The following PIK3CB variants were observed in gnomAD, a reference collection of about 807,000 sequenced individuals.
The protein encoded by PIK3CB is phosphatidylinositol-4,5-bisphosphate 3-kinase catalytic subunit beta, also known as phosphatidylinositol 4,5-bisphosphate 3-kinase catalytic subunit beta isoform.
PIK3CB carries 39 observed loss-of-function variants against 136.8 expected under a neutral mutation model. That is an observed-to-expected ratio of 0.29 (90% CI 0.22 to 0.37). The LOEUF (loss-of-function observed/expected upper bound fraction) is 0.37, where lower values mean the gene tolerates loss of function less well. Among genes scored for constraint, PIK3CB ranks in the 10% least tolerant of loss-of-function variants. The pLI, the probability that PIK3CB is intolerant of heterozygous loss-of-function variation, is 1.00. For synonymous variants in PIK3CB, 428 were observed against 436.6 expected, an observed-to-expected ratio of 0.98 and a Z score of 0.25; for missense variants, 868 against 1,275.4, an observed-to-expected ratio of 0.68 and a Z score of 4.87.
intron 2 of PIK3CB, among the ~76,000 whole-genome samples, chr3:138,775,078 C>G (rs17204215): frequency 0.027 from 4,148 of 152,272 alleles, 72 homozygotes; most frequent in Non-Finnish European, 0.04. Flanking sequence ...TTTCATTTCT[C>G]CCTCACTATG....
rs1425942000 is a variant in PIK3CB at position 138,654,549 on chromosome 3, C to A, written c.*840G>T. ...AGTATTATTCTCTATGAAGTGAACT[C>A]TTTCATAGATACCATATAAAAACTG... On this transcript the variant is annotated 3_prime_UTR_variant, in exon 24 of 24. Transcript: ENST00000674063. 1 of 227,894 alleles carries A rather than the reference C, an allele frequency of 4.4e-6. No individual in the cohort carries two copies. The highest frequency in any genetic ancestry group is 8.7e-6 in the Non-Finnish European group (1 of 114,844). The allele number at this position is 227,894 out of a possible 1,614,324, so 14.1% of individuals were successfully genotyped here.
rs549050041 is a variant in PIK3CB at position 138,725,260 on chromosome 3, G to T, written c.1050+8101C>A. On this transcript the variant is annotated intron_variant, in intron 8 of 23. Coordinates refer to ENST00000674063, the MANE Select transcript of PIK3CB (RefSeq NM_006219.3). Reference sequence around the variant, plus strand: ...TACTTTAATAGATAAGGAGTCCTGAGACCTATATAACTAGGCTATGGGGAA... The same window carrying T: ...TACTTTAATAGATAAGGAGTCCTGATACCTATATAACTAGGCTATGGGGAA... Among the ~76,000 whole-genome samples the T allele has an allele frequency of 7.2e-5, 11 of 152,302 alleles. No homozygotes were observed. In the South Asian group the frequency reaches 2.3e-3, roughly 32 times the overall value.
chr3:138,700,250 G>GTCCA (rs911299586), intron 12 of PIK3CB, among the ~76,000 whole-genome samples: 8 of 151,736 alleles, frequency 5.3e-5, no homozygotes, highest in South Asian at 2.1e-4. Flanking sequence ...TTATCCGTCC[G>GTCCA]TCCATCCATC....
intron 1 of PIK3CB, among the ~76,000 whole-genome samples, chr3:138,822,216 T>C (rs1169122261): frequency 6.6e-6 from 1 of 151,422 alleles, no homozygotes; most frequent in African/African-American, 2.4e-5. Flanking sequence ...AACTAGCTCA[T>C]AAATATGGAA....
At chr3:138,707,408 T>A in intron 10 of PIK3CB, 119 bp from the exon 11 acceptor site, 1 of 1,395,846 alleles carries the variant, frequency 7.2e-7, no homozygotes, top group Non-Finnish European at 9.2e-7. Context: ...TACAGAAGTG[T>A]GACAGACAAT....
chr3:138,710,177 C>G (rs921765181), intron 10 of PIK3CB, among the ~76,000 whole-genome samples: 1 of 152,008 alleles, frequency 6.6e-6, no homozygotes, highest in Non-Finnish European at 1.5e-5. Context: ...GGGTGAGGCC[C>G]TGAGTCAAAC....
At chr3:138,703,442 A>G (rs2044294994) in intron 12 of PIK3CB, among the ~76,000 whole-genome samples, 1 of 152,194 alleles carries the variant, frequency 6.6e-6, no homozygotes, top group Non-Finnish European at 1.5e-5. Flanking sequence ...TTTGCTAAAT[A>G]GACTTAAAAG....
intron 1 of PIK3CB, among the ~76,000 whole-genome samples, chr3:138,831,010 C>T (rs996684975): frequency 2.1e-5 from 3 of 145,082 alleles, no homozygotes; most frequent in Non-Finnish European, 3.0e-5. Context: ...GGGCAAGGCG[C>T]GGTGGCTCCC....
At chr3:138,668,566 C>CT (rs1250383474) in intron 19 of PIK3CB, among the ~76,000 whole-genome samples, 1 of 152,174 alleles carries the variant, frequency 6.6e-6, no homozygotes, top group African/African-American at 2.4e-5. Flanking sequence ...AAGTAGCAAT[C>CT]TGTTACCTTT....
chr3:138,700,186 C>G (rs554203297), intron 12 of PIK3CB, among the ~76,000 whole-genome samples: 191 of 152,254 alleles, frequency 1.3e-3, no homozygotes, highest in Non-Finnish European at 2.3e-3. Context: ...CGTGTCACTG[C>G]ACTCCAGTCT....
Position 138,811,628 on chromosome 3 carries a change from G to A in PIK3CB, c.-121-15061C>T, listed in dbSNP as rs368313843. Among the ~76,000 whole-genome samples, 27 of 152,140 alleles carry A rather than the reference G, an allele frequency of 1.8e-4. No individual in the cohort carries two copies. The East Asian group carries it at 4.9e-3, about 27-fold the overall frequency. ...TTTAGTAGAGACGGGGTCTCACCGT[G>A]TTAGCCAGGATGGTCTTGATCTCCT... On this transcript the variant is annotated intron_variant, in intron 1 of 23. Transcript: ENST00000674063.
chr3:138,785,926 A>C (rs1161717151), intron 2 of PIK3CB, among the ~76,000 whole-genome samples: 1 of 152,216 alleles, frequency 6.6e-6, no homozygotes, highest in Admixed American at 6.5e-5. Context: ...GCATAATCCT[A>C]ATGTACATTA....
At position 138,717,158 on chromosome 3, in the gene PIK3CB, A is replaced by G. The variant is rs1001760667; in HGVS notation, c.1051-2439T>C. Reference sequence around the variant, plus strand: ...AGTCCCAGCTACTCAGGAGGCTGAGACAGGAGAATTGCTTGAACCCAGGAG... The same window carrying G: ...AGTCCCAGCTACTCAGGAGGCTGAGGCAGGAGAATTGCTTGAACCCAGGAG... On this transcript the variant is annotated intron_variant, in intron 8 of 23. Transcript: ENST00000674063. 3.3e-5 allele frequency among the ~76,000 whole-genome samples: 5 copies of G among 150,956 alleles called. 1 individual carries two copies. The highest frequency in any genetic ancestry group is 7.4e-5 in the Non-Finnish European group (5 of 67,760).
At chr3:138,681,456 C>T (rs1042023274) in intron 19 of PIK3CB, among the ~76,000 whole-genome samples, 4 of 152,032 alleles carry the variant, frequency 2.6e-5, no homozygotes, top group African/African-American at 7.2e-5. Context: ...AATACGATTC[C>T]CAGTCTGAGG....
intron 1 of PIK3CB, among the ~76,000 whole-genome samples, chr3:138,813,090 G>T (rs1430094722): frequency 6.6e-6 from 1 of 151,994 alleles, no homozygotes; most frequent in Non-Finnish European, 1.5e-5. Context: ...TTTTACAACT[G>T]CATGTGAATC....
intron 2 of PIK3CB, among the ~76,000 whole-genome samples, chr3:138,774,402 G>T (rs954068295): frequency 1.3e-5 from 2 of 152,136 alleles, no homozygotes; most frequent in Non-Finnish European, 2.9e-5. Flanking sequence ...ATACACTTTT[G>T]CACCTATCAT....
At chr3:138,657,988 G>T (rs1469779380) in intron 21 of PIK3CB, among the ~76,000 whole-genome samples, 153 bp from the exon 22 acceptor site, 4 of 152,134 alleles carry the variant, frequency 2.6e-5, no homozygotes, top group Non-Finnish European at 4.4e-5. Flanking sequence ...CAGGTGAGAA[G>T]AGACCATATC....
At chr3:138,693,015 T>C (rs944008370) in intron 14 of PIK3CB, among the ~76,000 whole-genome samples, 2 of 152,158 alleles carry the variant, frequency 1.3e-5, no homozygotes. Context: ...TACACAGTAG[T>C]GAAAGGAATA....
intron 4 of PIK3CB, among the ~76,000 whole-genome samples, chr3:138,745,571 T>C (rs1403561105): frequency 6.6e-6 from 1 of 151,986 alleles, no homozygotes; most frequent in Non-Finnish European, 1.5e-5. Context: ...AGGCGGAGGT[T>C]GCAGTAAGCC....
Sources: gnomAD v4.1 joint callset for allele counts (sites outside exome capture counted in the v4.1 genomes callset) on GRCh38, gnomAD v4.1.1 for gene constraint, MANE v1.5 for transcripts, NCBI Gene and HGNC (gene_info 2026-07-23, HGNC 2026-07-21) for gene names.